VAMP4: variants seen among roughly 807,000 people sequenced by gnomAD.
VAMP4 encodes the protein vesicle associated membrane protein 4.
A neutral mutation model predicts 23.5 loss-of-function variants in VAMP4; 19 were observed. The ratio of observed to expected loss-of-function variants is 0.81; its 90% CI spans 0.56 to 1.19. The LOEUF is 1.19. Ranked by LOEUF, VAMP4 falls within the 50% of genes most tolerant of loss-of-function variation. VAMP4 has a pLI of 0.00. For synonymous variants in VAMP4, 31 were observed against 51.0 expected (o/e 0.61, Z 1.67); for missense variants, 145 against 168.6 (o/e 0.86, Z 0.78).
chr1:171,728,883 G>A (rs1298664362), intron 2 of VAMP4, among the ~76,000 whole-genome samples: 2 of 152,206 alleles, frequency 1.3e-5, no homozygotes, highest in Non-Finnish European at 2.9e-5. Flanking sequence ...CCTTCCTTCT[G>A]ACTGCCAGTG....
chr1:171,708,911 A>G (rs895188369), intron 6 of VAMP4, among the ~76,000 whole-genome samples: 2 of 151,314 alleles, frequency 1.3e-5, no homozygotes, highest in African/African-American at 4.8e-5. Context: ...GTTATTGCTA[A>G]ACTTGAAATT....
intron 3 of VAMP4, 89 bp from the exon 4 acceptor site, chr1:171,719,310 C>T: frequency 1.8e-6 from 2 of 1,125,160 alleles, no homozygotes; most frequent in Non-Finnish European, 2.6e-6. Flanking sequence ...CAAATACAAA[C>T]AATCAAGCTG....
intron 2 of VAMP4, among the ~76,000 whole-genome samples, chr1:171,735,163 T>C (rs953361701): frequency 6.6e-6 from 1 of 152,200 alleles, no homozygotes; most frequent in African/African-American, 2.4e-5. Context: ...ACTGTGTCCT[T>C]AACAGTGATT....
chr1:171,729,458 A>C (rs1220548397), intron 2 of VAMP4, among the ~76,000 whole-genome samples: 1 of 152,196 alleles, frequency 6.6e-6, no homozygotes, highest in Non-Finnish European at 1.5e-5. Flanking sequence ...TTTGTGCATG[A>C]AACAAAGTTT....
At chr1:171,722,200 A>C (rs6670549) in intron 3 of VAMP4, among the ~76,000 whole-genome samples, 1 of 151,970 alleles carries the variant, frequency 6.6e-6, no homozygotes, top group African/African-American at 2.4e-5. Flanking sequence ...CTGGCTAGCC[A>C]TATGTAGAAA....
chr1:171,741,180 C>T (rs1331670398), intron 1 of VAMP4, among the ~76,000 whole-genome samples: 3 of 152,202 alleles, frequency 2.0e-5, no homozygotes, highest in Admixed American at 6.5e-5. Flanking sequence ...GCTTCTTATA[C>T]ATCAGCATAT....
At chr1:171,729,951 GGAGA>G (rs145451373) in intron 2 of VAMP4, among the ~76,000 whole-genome samples, 4 of 151,878 alleles carry the variant, frequency 2.6e-5, no homozygotes, top group South Asian at 4.2e-4. Context: ...GCAGAGTGAG[GGAGA>G]GAGAGAGAGA....
At chr1:171,710,328 A>C (rs1654810089) in intron 5 of VAMP4, among the ~76,000 whole-genome samples, 1 of 152,058 alleles carries the variant, frequency 6.6e-6, no homozygotes. Context: ...AAAGTAAAGA[A>C]AGGTGACTAA....
chr1:171,717,641 T>G (rs1655063064), intron 4 of VAMP4, among the ~76,000 whole-genome samples: 1 of 151,752 alleles, frequency 6.6e-6, no homozygotes, highest in African/African-American at 2.4e-5. Context: ...GAGAAGGGGG[T>G]TTCACTTTGT....
At chr1:171,708,658 C>G (rs1025603821) in intron 6 of VAMP4, among the ~76,000 whole-genome samples, 7 of 147,908 alleles carry the variant, frequency 4.7e-5, no homozygotes, top group Admixed American at 2.7e-4. Flanking sequence ...GTCAGGAGTT[C>G]AAGACCAGCC....
intron 2 of VAMP4, among the ~76,000 whole-genome samples, chr1:171,736,648 A>AAAAACAAAACAAAAC (rs59682689): frequency 2.0e-5 from 3 of 149,960 alleles, no homozygotes; most frequent in African/African-American, 4.9e-5. Context: ...TTCCCCATTA[A>AAAAACAAAACAAAAC]AAAACAAAAC....
chr1:171,723,507 T>C (rs561954879), intron 3 of VAMP4, among the ~76,000 whole-genome samples: 45 of 152,346 alleles, frequency 3.0e-4, no homozygotes, highest in Non-Finnish European at 5.3e-4. Flanking sequence ...TTCAGTGATA[T>C]TTCTCCTATT....
chr1:171,712,547 G>T (rs1270034788), intron 4 of VAMP4, among the ~76,000 whole-genome samples: 1 of 152,090 alleles, frequency 6.6e-6, no homozygotes, highest in East Asian at 1.9e-4. Context: ...TAAACTTCAA[G>T]ATTTTTCACA....
At chr1:171,720,816 A>G (rs1655169848) in intron 3 of VAMP4, among the ~76,000 whole-genome samples, 2 of 152,100 alleles carry the variant, frequency 1.3e-5, no homozygotes. Flanking sequence ...CAGGGCCAGT[A>G]TGAACCTACC....
chr1:171,728,012 C>T (rs188674846), intron 3 of VAMP4, among the ~76,000 whole-genome samples: 4 of 152,278 alleles, frequency 2.6e-5, no homozygotes, highest in South Asian at 4.1e-4. Flanking sequence ...CACAGGTACA[C>T]GGTACAGTAA....
chr1:171,735,853 A>G (rs758144809), intron 2 of VAMP4, among the ~76,000 whole-genome samples: 1 of 152,158 alleles, frequency 6.6e-6, no homozygotes, highest in Non-Finnish European at 1.5e-5. Context: ...GAATGGGTTT[A>G]GTATTTCGCC....
intron 3 of VAMP4, among the ~76,000 whole-genome samples, chr1:171,727,683 T>G (rs1341261062): frequency 2.6e-5 from 4 of 151,976 alleles, no homozygotes; most frequent in Admixed American, 2.6e-4. Context: ...AGCCAAAAAG[T>G]AGAAACAACC....
chr1:171,740,414 C>T (rs1002589152), intron 1 of VAMP4, among the ~76,000 whole-genome samples: 1 of 152,118 alleles, frequency 6.6e-6, no homozygotes, highest in Non-Finnish European at 1.5e-5. Context: ...GCTTCACGAA[C>T]CAAATAAAAG....
At chr1:171,707,649 A>T (rs913242300) in intron 6 of VAMP4, among the ~76,000 whole-genome samples, 9 of 152,156 alleles carry the variant, frequency 5.9e-5, no homozygotes, top group African/African-American at 2.2e-4. Context: ...GAAAATAATA[A>T]ATGAAGAATA....
Sources: allele counts gnomAD v4.1 joint callset (sites outside exome capture counted in the v4.1 genomes callset), GRCh38; gene constraint gnomAD v4.1.1; transcripts MANE v1.5; gene names NCBI Gene and HGNC (gene_info 2026-07-23, HGNC 2026-07-21).